The following ADGRB3 variants were observed in gnomAD, a reference collection of about 807,000 sequenced individuals.
ADGRB3 encodes the protein adhesion G protein-coupled receptor B3, also known as brain-specific angiogenesis inhibitor 3.
A neutral mutation model predicts 193.4 loss-of-function variants in ADGRB3; 37 were observed. The observed-to-expected ratio is 0.19, with a 90% CI of 0.15 to 0.25. ADGRB3 has a LOEUF of 0.25. Among genes scored for constraint, ADGRB3 ranks in the 10% least tolerant of loss-of-function variants. The pLI, the probability that ADGRB3 is intolerant of heterozygous loss-of-function variation, is 1.00. For missense variants in ADGRB3, 1,637 were observed against 1,852.9 expected (o/e 0.88, Z 2.14); for synonymous variants, 690 against 644.2 (o/e 1.07, Z -1.08).
chr6:68,726,489 T>C (rs1765676084), intron 3 of ADGRB3, among the ~76,000 whole-genome samples: 1 of 151,562 alleles, frequency 6.6e-6, no homozygotes, highest in Non-Finnish European at 1.5e-5. Context: ...ATTGCAGAAA[T>C]GTTCTGCATG....
chr6:69,359,629 T>C (rs1769409720), intron 28 of ADGRB3, among the ~76,000 whole-genome samples: 1 of 151,924 alleles, frequency 6.6e-6, no homozygotes, highest in African/African-American at 2.4e-5. Flanking sequence ...ACTTCTGCTT[T>C]AATGAATAAT....
At chr6:68,923,387 G>A (rs556789072) in intron 3 of ADGRB3, among the ~76,000 whole-genome samples, 1 of 152,042 alleles carries the variant, frequency 6.6e-6, no homozygotes, top group South Asian at 2.1e-4. Context: ...GTACAATAAA[G>A]ATGTACCAGA....
intron 3 of ADGRB3, among the ~76,000 whole-genome samples, chr6:68,720,025 G>A (rs1005349228): frequency 3.3e-5 from 5 of 151,736 alleles, no homozygotes; most frequent in African/African-American, 7.2e-5. Context: ...TTCCACTTGC[G>A]TTTACTGAAA....
chr6:69,132,851 C>T (rs1774048604), intron 17 of ADGRB3, among the ~76,000 whole-genome samples: 1 of 152,112 alleles, frequency 6.6e-6, no homozygotes, highest in Admixed American at 6.5e-5. Flanking sequence ...TATGGCTAGC[C>T]AGTTTTCTAG....
chr6:68,799,540 T>A (rs1217016904), intron 3 of ADGRB3, among the ~76,000 whole-genome samples: 1 of 152,168 alleles, frequency 6.6e-6, no homozygotes, highest in African/African-American at 2.4e-5. Flanking sequence ...TATATTCCAA[T>A]TTTTTTAAGT....
intron 17 of ADGRB3, among the ~76,000 whole-genome samples, chr6:69,084,752 A>G (rs879754427): frequency 1.8e-4 from 28 of 152,086 alleles, no homozygotes; most frequent in Non-Finnish European, 3.7e-4. Context: ...ATATCTCATC[A>G]CTCTAAGCTC....
chr6:68,984,726 C>A (rs1279589676), intron 10 of ADGRB3, among the ~76,000 whole-genome samples: 1 of 151,684 alleles, frequency 6.6e-6, no homozygotes, highest in African/African-American at 2.4e-5. Context: ...TTAAAGAAAA[C>A]CCAAGAAGGC....
chr6:68,801,860 C>T (rs1044590894), intron 3 of ADGRB3, among the ~76,000 whole-genome samples: 5 of 152,092 alleles, frequency 3.3e-5, no homozygotes, highest in Non-Finnish European at 5.9e-5. Flanking sequence ...TATGTACAGA[C>T]ATGGCTGAAC....
chr6:68,998,136 G>T (rs535381238), intron 11 of ADGRB3, among the ~76,000 whole-genome samples: 25 of 152,204 alleles, frequency 1.6e-4, no homozygotes, highest in African/African-American at 6.0e-4. Context: ...TCATAAATCA[G>T]AATATTGTAT....
intron 17 of ADGRB3, among the ~76,000 whole-genome samples, chr6:69,079,552 C>T (rs1306889972): frequency 6.6e-6 from 1 of 151,984 alleles, no homozygotes; most frequent in African/African-American, 2.4e-5. Flanking sequence ...TCCTATTCAA[C>T]GTAGTATTGG....
At chr6:68,648,712 G>T (rs1768276634) in intron 3 of ADGRB3, among the ~76,000 whole-genome samples, 2 of 148,310 alleles carry the variant, frequency 1.3e-5, no homozygotes, top group East Asian at 2.0e-4. Flanking sequence ...GTTCATACTA[G>T]ATGAGTAGTA....
intron 3 of ADGRB3, among the ~76,000 whole-genome samples, chr6:68,865,307 T>C (rs1243944388): frequency 6.6e-6 from 1 of 152,164 alleles, no homozygotes; most frequent in East Asian, 1.9e-4. Context: ...TCCCAATTGA[T>C]TAAAATTACA....
chr6:68,956,936 T>C, intron 8 of ADGRB3, 127 bp downstream of exon 8: 1 of 1,065,614 alleles, frequency 9.4e-7, no homozygotes, highest in Non-Finnish European at 1.3e-6. Context: ...TAGGTGGCAA[T>C]TTACTTGTTT....
intron 17 of ADGRB3, among the ~76,000 whole-genome samples, chr6:69,169,833 A>G (rs1775228334): frequency 6.6e-6 from 1 of 152,074 alleles, no homozygotes; most frequent in Non-Finnish European, 1.5e-5. Flanking sequence ...CCAATAGAGG[A>G]TAGTTTATAG....
intron 3 of ADGRB3, among the ~76,000 whole-genome samples, chr6:68,862,976 A>G (rs1765198804): frequency 1.3e-5 from 2 of 152,316 alleles, no homozygotes; most frequent in Middle Eastern, 3.4e-3. Flanking sequence ...CATTTGCATT[A>G]CTAACATTAT....
At chr6:69,211,843 T>C (rs1283066306) in intron 17 of ADGRB3, among the ~76,000 whole-genome samples, 1 of 152,180 alleles carries the variant, frequency 6.6e-6, no homozygotes, top group African/African-American at 2.4e-5. Flanking sequence ...ACCAATTCTA[T>C]ATGGATTACA....
At chr6:68,744,802 A>T (rs982407878) in intron 3 of ADGRB3, among the ~76,000 whole-genome samples, 3 of 152,096 alleles carry the variant, frequency 2.0e-5, no homozygotes, top group Non-Finnish European at 2.9e-5. Context: ...TGGGTTGATG[A>T]GTGCAGCAAA....
chr6:69,307,046 A>G (rs1277290369), intron 20 of ADGRB3, among the ~76,000 whole-genome samples: 1 of 151,246 alleles, frequency 6.6e-6, no homozygotes, highest in African/African-American at 2.4e-5. Flanking sequence ...CCAATACGTT[A>G]TAGTAGCTTC....
intron 6 of ADGRB3, among the ~76,000 whole-genome samples, chr6:68,951,180 T>TA (rs1767906284): frequency 1.3e-5 from 2 of 152,294 alleles, no homozygotes; most frequent in African/African-American, 4.8e-5. Context: ...ATTCTGGATT[T>TA]TAAAAAAAAT....
Sources: gnomAD v4.1 joint callset for allele counts (sites outside exome capture counted in the v4.1 genomes callset) on GRCh38, gnomAD v4.1.1 for gene constraint, MANE v1.5 for transcripts, NCBI Gene and HGNC (gene_info 2026-07-23, HGNC 2026-07-21) for gene names.